TTC21B: variants seen among roughly 807,000 people sequenced by gnomAD.
The protein encoded by TTC21B is tetratricopeptide repeat domain 21B.
A neutral mutation model predicts 175.1 loss-of-function variants in TTC21B; 127 were observed. The ratio of observed to expected loss-of-function variants is 0.73; its 90% confidence interval spans 0.63 to 0.84. The LOEUF (loss-of-function observed/expected upper bound fraction) is 0.84, where lower values mean the gene tolerates loss of function less well. Among genes scored for constraint, TTC21B ranks in the 40% least tolerant of loss-of-function variants. The pLI is 0.00. For synonymous variants in TTC21B, 524 were observed against 524.5 expected, an observed-to-expected ratio of 1.00 and a Z score of 0.01; for missense variants, 1,561 against 1,558.3, an observed-to-expected ratio of 1.00 and a Z score of -0.03.
At chr2:165,941,291 A>C (rs1687358938) in intron 5 of TTC21B, 107 bp from the exon 6 acceptor site, 2 of 1,229,574 alleles carry the variant, frequency 1.6e-6, no homozygotes, top group Admixed American at 3.8e-5. Context: ...CTTTTCTGTG[A>C]GGAGCAGTTA....
At chr2:165,885,441 C>T (rs1338764682) in intron 25 of TTC21B, among the ~76,000 whole-genome samples, 3 of 152,166 alleles carry the variant, frequency 2.0e-5, no homozygotes, top group Non-Finnish European at 4.4e-5. Context: ...ATCTGTTCCT[C>T]TAGGTAAGGG....
At chr2:165,912,732 A>C in intron 16 of TTC21B, 108 bp from the exon 17 acceptor site, 1 of 867,656 alleles carries the variant, frequency 1.2e-6, no homozygotes. Context: ...ATTACATAAG[A>C]CTTGGCATAT....
chr2:165,921,216 G>A (rs145827539), intron 12 of TTC21B, among the ~76,000 whole-genome samples: 185 of 152,202 alleles, frequency 1.2e-3, no homozygotes, highest in African/African-American at 4.3e-3. Flanking sequence ...ATCAGTTGGT[G>A]GGGGACTGGA....
At chr2:165,913,714 T>A (rs1243286336) in intron 15 of TTC21B, 68 bp from the exon 16 acceptor site, 14 of 1,341,488 alleles carry the variant, frequency 1.0e-5, no homozygotes, top group Non-Finnish European at 1.3e-5. Context: ...TAAAATAAAA[T>A]AAAAAATAAG....
intron 26 of TTC21B, 95 bp downstream of exon 26, chr2:165,883,699 G>T: frequency 1.0e-6 from 1 of 989,746 alleles, no homozygotes; most frequent in Non-Finnish European, 1.6e-6. Flanking sequence ...AAATCACACA[G>T]GAATCCTTGG....
chr2:165,876,074 C>T (rs529665182), intron 28 of TTC21B, 91 bp downstream of exon 28: 7 of 777,354 alleles, frequency 9.0e-6, no homozygotes, highest in South Asian at 4.2e-5. Flanking sequence ...ATAATGTATC[C>T]TCTATTTCTA....
At chr2:165,949,543 T>C in intron 2 of TTC21B, 39 bp from the exon 3 acceptor site, 2 of 1,613,788 alleles carry the variant, frequency 1.2e-6, no homozygotes, top group Non-Finnish European at 1.7e-6. Flanking sequence ...CTGTTCTTAG[T>C]GCAAAGCAAG....
Position 165,874,577 on chromosome 2 carries a change from T to C in TTC21B, c.*178A>G, listed in dbSNP as rs1394234790. 2.8e-5 allele frequency: 17 copies of C among 606,602 alleles called. No individual in the cohort carries two copies. Among genetic ancestry groups the C allele is most frequent in the Admixed American group, 2.0e-4 (7 of 35,532 alleles). 37.6% of individuals were successfully genotyped at this position (606,602 alleles called of 1,614,324 possible). On this transcript the variant is annotated 3_prime_UTR_variant, in exon 29 of 29. Coordinates refer to ENST00000243344, the MANE Select transcript of TTC21B (RefSeq NM_024753.5). ...TAGACCAGCTCTCATTCAACTCCAT[T>C]AGGAAACACCAATTTCACATAGTAC...
At chr2:165,901,955 T>A in intron 19 of TTC21B, 45 bp from the exon 20 acceptor site, 7 of 1,472,202 alleles carry the variant, frequency 4.8e-6, no homozygotes, top group Non-Finnish European at 6.6e-6. Flanking sequence ...AAAAAGGAAA[T>A]TAAATTCTCC....
intron 28 of TTC21B, among the ~76,000 whole-genome samples, chr2:165,875,420 T>C (rs10185938): frequency 0.85 from 129,968 of 152,062 alleles, 55,629 homozygotes; most frequent in Middle Eastern, 0.91. Flanking sequence ...GCTAACAGAT[T>C]GCTGTGTGGG....
In TTC21B at chr2:165,906,254, T is replaced by TTA. The variant is rs1397122960; in HGVS notation, c.2568+1423_2568+1424insTA. 1.8e-4 allele frequency among the ~76,000 whole-genome samples: 8 copies of TTA among 45,280 alleles called. No homozygotes were observed. The East Asian group carries it at 5.1e-3, about 29-fold the overall frequency. The allele number at this position is 45,280 out of a possible 152,430, so 29.7% of individuals were successfully genotyped here. On this transcript the variant is annotated intron_variant, in intron 19 of 28. Transcript: ENST00000243344. ...TACCTAACATACTATTTCAAGAGGC[T>TTA]AAAAAAAAAAAAAAAAAAAAAAAAA... is the stretch of plus-strand genomic sequence containing the variant.
chr2:165,948,919 C>T (rs1435037614), intron 3 of TTC21B: 1 of 158,854 alleles, frequency 6.3e-6, no homozygotes. Flanking sequence ...AGAATCTAGT[C>T]AACCTACTAC....
rs538686497 is a variant in TTC21B, at chr2:165,937,907, C to A, written c.710+3120G>T. Among the ~76,000 whole-genome samples, 49 of 151,480 alleles carry A rather than the reference C, an allele frequency of 3.2e-4. 2 individuals are homozygous for A. The highest frequency in any genetic ancestry group is 2.9e-3 in the Admixed American group (44 of 15,158). On this transcript the variant is annotated intron_variant, in intron 6 of 28. Coordinates refer to ENST00000243344, the MANE Select transcript of TTC21B (RefSeq NM_024753.5). ...TGTGGCCTTCAAATATCATTTCACA[C>A]TAAAAGAGATTAGATTGCCCTGGAC... is the stretch of plus-strand genomic sequence containing the variant.
At chr2:165,903,868 G>A (rs1208402134) in intron 19 of TTC21B, among the ~76,000 whole-genome samples, 3 of 152,140 alleles carry the variant, frequency 2.0e-5, no homozygotes, top group African/African-American at 7.2e-5. Context: ...ATAGGTTTCT[G>A]TTTGAATTGC....
intron 25 of TTC21B, among the ~76,000 whole-genome samples, chr2:165,884,464 G>C (rs914620240): frequency 6.6e-6 from 1 of 152,164 alleles, no homozygotes; most frequent in African/African-American, 2.4e-5. Flanking sequence ...ACCTGCAGAT[G>C]ATGGTCCTTA....
chr2:165,922,565 T>TAAAAAAAA (rs1686452039), intron 12 of TTC21B, among the ~76,000 whole-genome samples: 1 of 23,590 alleles, frequency 4.2e-5, no homozygotes, highest in Admixed American at 5.3e-4. Context: ...TATTAAAAAG[T>TAAAAAAAA]CAAAAAAAAA....
At chr2:165,879,366 C>T (rs1319805566) in intron 27 of TTC21B, among the ~76,000 whole-genome samples, 1 of 152,126 alleles carries the variant, frequency 6.6e-6, no homozygotes, top group Non-Finnish European at 1.5e-5. Flanking sequence ...ATATATCACA[C>T]CTTAGAATAA....
chr2:165,893,266 A>G (rs1685254943), intron 22 of TTC21B, among the ~76,000 whole-genome samples: 1 of 152,172 alleles, frequency 6.6e-6, no homozygotes, highest in Non-Finnish European at 1.5e-5. Flanking sequence ...TACTTCCAAA[A>G]ATGTTGACAA....
intron 27 of TTC21B, among the ~76,000 whole-genome samples, chr2:165,880,186 C>T (rs1209475187): frequency 6.6e-6 from 1 of 152,020 alleles, no homozygotes; most frequent in Non-Finnish European, 1.5e-5. Context: ...AACATCCAGC[C>T]TGGGACTGGA....
Sources: allele counts gnomAD v4.1 joint callset (sites outside exome capture counted in the v4.1 genomes callset), GRCh38; gene constraint gnomAD v4.1.1; transcripts MANE v1.5; gene names NCBI Gene and HGNC (gene_info 2026-07-23, HGNC 2026-07-21).